The following UBE2E2 variants were observed in gnomAD, a reference collection of about 807,000 sequenced individuals.
UBE2E2 encodes ubiquitin-conjugating enzyme E2 E2.
Under a neutral mutation model 24.7 loss-of-function variants are expected in UBE2E2, and 6 were observed. The ratio of observed to expected loss-of-function variants is 0.24; its 90% CI spans 0.13 to 0.48. The LOEUF (loss-of-function observed/expected upper bound fraction) is 0.48, where lower values mean the gene tolerates loss of function less well. UBE2E2 is among the 20% of genes least tolerant of loss of function. The probability of loss-of-function intolerance (pLI) is 0.99; values close to 1 mark genes in which losing one functional copy is unlikely to be tolerated. For synonymous variants in UBE2E2, 104 were observed against 83.6 expected (o/e 1.24, Z -1.33); for missense variants, 169 against 245.0 (o/e 0.69, Z 2.07).
At chr3:23,420,036 TAGGCGTTTGAATGGATACAGATGCC>T (rs1169877422) in intron 3 of UBE2E2, among the ~76,000 whole-genome samples, 4 of 152,204 alleles carry the variant, frequency 2.6e-5, no homozygotes, top group African/African-American at 4.8e-5. Flanking sequence ...AATATATATT[TAGGCGTTTGAATGGATACAGATGCC>T]TAAGAGAGAG....
intron 3 of UBE2E2, among the ~76,000 whole-genome samples, chr3:23,267,256 G>C (rs1223934450): frequency 6.6e-6 from 1 of 151,452 alleles, no homozygotes; most frequent in African/African-American, 2.4e-5. Context: ...AAAAATAAAT[G>C]AATCCAGGAG....
intron 3 of UBE2E2, among the ~76,000 whole-genome samples, chr3:23,276,525 CTTTA>C (rs1030172523): frequency 1.3e-5 from 2 of 151,994 alleles, no homozygotes; most frequent in African/African-American, 2.4e-5. Flanking sequence ...TATTAATATG[CTTTA>C]TAATGCTTTC....
chr3:23,263,722 G>C (rs117489142), intron 3 of UBE2E2, among the ~76,000 whole-genome samples: 4,378 of 152,194 alleles, frequency 0.029, 109 homozygotes, highest in East Asian at 0.13. Context: ...GATTTTTATA[G>C]TATTTTGGCA....
chr3:23,528,170 C>G (rs1404562126), intron 4 of UBE2E2, among the ~76,000 whole-genome samples: 1 of 152,172 alleles, frequency 6.6e-6, no homozygotes, highest in East Asian at 1.9e-4. Flanking sequence ...AAACTCCTCA[C>G]CCCACATTTG....
At chr3:23,522,148 T>TTAGGCC (rs58369100) in intron 4 of UBE2E2, among the ~76,000 whole-genome samples, 1 of 115,170 alleles carries the variant, frequency 8.7e-6, no homozygotes, top group African/African-American at 4.1e-5. Flanking sequence ...TTTTTTTTTT[T>TTAGGCC]GAGGCAGAGT....
chr3:23,373,941 A>G (rs1017606054), intron 3 of UBE2E2, among the ~76,000 whole-genome samples: 1 of 152,124 alleles, frequency 6.6e-6, no homozygotes, highest in Non-Finnish European at 1.5e-5. Context: ...AATATCGTAA[A>G]TGCAAATGTT....
At chr3:23,444,549 C>T (rs889479882) in intron 3 of UBE2E2, among the ~76,000 whole-genome samples, 23 of 152,158 alleles carry the variant, frequency 1.5e-4, no homozygotes, top group Admixed American at 2.0e-4. Flanking sequence ...CTACTGTCAT[C>T]CTTCAGTTCC....
chr3:23,260,575 G>T (rs1697868265), intron 3 of UBE2E2, among the ~76,000 whole-genome samples: 2 of 152,172 alleles, frequency 1.3e-5, no homozygotes, highest in Admixed American at 1.3e-4. Flanking sequence ...CACTTTGGGA[G>T]GTCGAGGTGG....
chr3:23,426,347 A>G (rs1697923736), intron 3 of UBE2E2, among the ~76,000 whole-genome samples: 1 of 151,036 alleles, frequency 6.6e-6, no homozygotes, highest in African/African-American at 2.4e-5. Flanking sequence ...AACAACAGAA[A>G]TTTTCCTGCA....
chr3:23,538,519 C>T (rs894020722), intron 5 of UBE2E2, among the ~76,000 whole-genome samples: 5 of 152,146 alleles, frequency 3.3e-5, no homozygotes, highest in Admixed American at 6.5e-5. Flanking sequence ...AAGTTCAAAA[C>T]GTTTATTAAA....
intron 3 of UBE2E2, among the ~76,000 whole-genome samples, chr3:23,302,055 T>C (rs1472762001): frequency 2.0e-5 from 3 of 152,176 alleles, no homozygotes. Context: ...TTATTTCTCC[T>C]TGTCAGTATA....
At chr3:23,525,651 AACTAGTTTGAT>A (rs1694978076) in intron 4 of UBE2E2, among the ~76,000 whole-genome samples, 1 of 152,236 alleles carries the variant, frequency 6.6e-6, no homozygotes, top group Non-Finnish European at 1.5e-5. Flanking sequence ...ATGTAGGCGT[AACTAGTTTGAT>A]ACACAGAACT....
chr3:23,205,044 G>T (rs1379923995), intron 1 of UBE2E2, among the ~76,000 whole-genome samples: 5 of 152,172 alleles, frequency 3.3e-5, no homozygotes, highest in African/African-American at 1.2e-4. Context: ...TTCATTCACT[G>T]TATGTTGCTA....
intron 3 of UBE2E2, among the ~76,000 whole-genome samples, chr3:23,469,314 T>TC (rs1450152577): frequency 6.6e-6 from 1 of 152,200 alleles, no homozygotes; most frequent in African/African-American, 2.4e-5. Flanking sequence ...TCTACATCAG[T>TC]CATCTCAGAG....
At chr3:23,312,940 G>A (rs2125279633) in intron 3 of UBE2E2, among the ~76,000 whole-genome samples, 1 of 152,072 alleles carries the variant, frequency 6.6e-6, no homozygotes, top group African/African-American at 2.4e-5. Context: ...TTACTCTATT[G>A]TCATCAGAGA....
chr3:23,260,652 AAAG>A (rs1697870158), intron 3 of UBE2E2, among the ~76,000 whole-genome samples: 1 of 152,072 alleles, frequency 6.6e-6, no homozygotes, highest in Non-Finnish European at 1.5e-5. Flanking sequence ...ATCTCTACAA[AAAG>A]AAGGAAGTTA....
Position 23,367,770 on chromosome 3 carries a change from GA to G in UBE2E2, c.228-131837del, listed in dbSNP as rs1337585952. Among the ~76,000 whole-genome samples, 4 of 152,320 alleles carry G rather than the reference GA, an allele frequency of 2.6e-5. No individual in the cohort carries two copies. The East Asian group carries it at 7.7e-4, about 29-fold the overall frequency. On this transcript the variant is annotated intron_variant, in intron 3 of 5. Transcript: ENST00000396703. ...GACTTGTGACTGTTGTGCAAAGGCGGAGGGGTGGGAGGGCAGTCTTGTGGAC... is the reference window on the plus strand; with the variant it reads ...GACTTGTGACTGTTGTGCAAAGGCGGGGGGTGGGAGGGCAGTCTTGTGGAC...
intron 3 of UBE2E2, among the ~76,000 whole-genome samples, chr3:23,300,283 A>C (rs1006133759): frequency 6.6e-5 from 10 of 152,048 alleles, no homozygotes; most frequent in Admixed American, 2.6e-4. Context: ...GTCCATTTAC[A>C]TTTAAAGTTA....
chr3:23,442,823 G>C (rs991231731), intron 3 of UBE2E2, among the ~76,000 whole-genome samples: 2 of 152,126 alleles, frequency 1.3e-5, no homozygotes, highest in Admixed American at 1.3e-4. Flanking sequence ...CTGTAGCTCT[G>C]CCTGGGGTTT....
Sources: allele counts gnomAD v4.1 joint callset (sites outside exome capture counted in the v4.1 genomes callset), GRCh38; gene constraint gnomAD v4.1.1; transcripts MANE v1.5; gene names NCBI Gene and HGNC (gene_info 2026-07-23, HGNC 2026-07-21).